The following MICAL2 variants were observed in gnomAD, a reference collection of about 807,000 sequenced individuals.
MICAL2 encodes microtubule associated monooxygenase, calponin and LIM domain containing 2, also known as [F-actin]-monooxygenase MICAL2.
MICAL2 carries 77 observed loss-of-function variants against 127.3 expected under a neutral mutation model. The observed-to-expected ratio is 0.60, with a 90% CI of 0.50 to 0.73. The LOEUF is 0.73. Among genes scored for constraint, MICAL2 ranks in the 30% least tolerant of loss-of-function variants. MICAL2 has a pLI of 0.00. For synonymous variants in MICAL2, 570 were observed against 551.1 expected (o/e 1.03, Z -0.48); for missense variants, 1,351 against 1,434.4 (o/e 0.94, Z 0.94).
chr11:12,306,003 C>A (rs1408004038), intron 29 of MICAL2, among the ~76,000 whole-genome samples: 2 of 152,098 alleles, frequency 1.3e-5, no homozygotes, highest in Non-Finnish European at 2.9e-5. Context: ...TTACATTTTA[C>A]AGTATTGTTG....
At position 12,317,791 on chromosome 11, in the gene MICAL2, CA is replaced by C. The variant is rs34962883; in HGVS notation, c.5213-1891del. Among the ~76,000 whole-genome samples the C allele has an allele frequency of 9.6e-3, 1,253 of 130,730 alleles. 15 individuals are homozygous for C. The highest frequency in any genetic ancestry group is 0.03 in the African/African-American group (968 of 32,428). The allele number at this position is 130,730 out of a possible 152,430, so 85.8% of individuals were successfully genotyped here. A position where few individuals can be genotyped will look rare whatever the true frequency, so the allele number is the denominator to read the frequency against. On this transcript the variant is annotated intron_variant, in intron 29 of 34. Coordinates refer to the MICAL2 transcript ENST00000646065. The stretch of plus-strand genomic sequence containing the variant: ...TGAGTGACAGAGCAAGACTCCGTCT[CA>C]AAAAAAAAAAAAAGTACTAGAATGG...
intron 22 of MICAL2, 40 bp from the exon 23 acceptor site, chr11:12,255,603 T>C (rs753194035): frequency 2.5e-6 from 4 of 1,592,570 alleles, no homozygotes; most frequent in Middle Eastern, 1.7e-4. Context: ...AACTGGCCTC[T>C]ACCTTTGTCT....
intron 24 of MICAL2, among the ~76,000 whole-genome samples, chr11:12,269,826 G>A (rs1160780740): frequency 1.3e-5 from 2 of 152,250 alleles, no homozygotes; most frequent in Non-Finnish European, 2.9e-5. Context: ...GTGTCCGTGT[G>A]TATCTGCACA....
intron 6 of MICAL2, 89 bp from the exon 7 acceptor site, chr11:12,213,166 G>T: frequency 1.4e-6 from 2 of 1,402,686 alleles, no homozygotes; most frequent in Non-Finnish European, 1.9e-6. Context: ...GGCCTGGGAG[G>T]CATCTGGGAA....
intron 30 of MICAL2, among the ~76,000 whole-genome samples, chr11:12,323,411 T>C (rs980161182): frequency 6.6e-6 from 1 of 152,078 alleles, no homozygotes; most frequent in Non-Finnish European, 1.5e-5. Flanking sequence ...CTATTTAAAG[T>C]TGTTAACTGG....
intron 18 of MICAL2, among the ~76,000 whole-genome samples, chr11:12,241,628 G>A (rs972361036): frequency 2.0e-5 from 3 of 152,216 alleles, no homozygotes; most frequent in South Asian, 2.1e-4. Flanking sequence ...CATAGCGGGC[G>A]GGAAGGCAGC....
At chr11:12,226,021 A>G in intron 13 of MICAL2, 150 bp from the exon 14 acceptor site, 1 of 695,304 alleles carries the variant, frequency 1.4e-6, no homozygotes, top group Non-Finnish European at 2.5e-6. Context: ...GAGAACTGGG[A>G]GTAGGGGCTG....
At chr11:12,125,154 A>G (rs1036521144) in intron 1 of MICAL2, among the ~76,000 whole-genome samples, 1 of 152,246 alleles carries the variant, frequency 6.6e-6, no homozygotes, top group African/African-American at 2.4e-5. Context: ...GCAGCAGCCC[A>G]GTGGGGTCCA....
chr11:12,235,364 C>T (rs1858900159), intron 15 of MICAL2, among the ~76,000 whole-genome samples: 1 of 152,112 alleles, frequency 6.6e-6, no homozygotes, highest in Non-Finnish European at 1.5e-5. Flanking sequence ...TTTCAATGCC[C>T]AGATGCAGGC....
chr11:12,293,417 T>C, downstream of MICAL2: 1 of 1,086,006 alleles, frequency 9.2e-7, no homozygotes, highest in East Asian at 2.6e-5. Flanking sequence ...TTTAAAATCA[T>C]CTTAGGCAAA....
intron 3 of MICAL2, among the ~76,000 whole-genome samples, chr11:12,189,130 C>T (rs887185018): frequency 2.6e-5 from 4 of 152,298 alleles, no homozygotes; most frequent in Admixed American, 1.3e-4. Context: ...AATTTGTAAT[C>T]TCTTAACCTT....
intron 29 of MICAL2, among the ~76,000 whole-genome samples, chr11:12,302,274 AC>A (rs1382211053): frequency 6.6e-6 from 1 of 152,200 alleles, no homozygotes; most frequent in African/African-American, 2.4e-5. Context: ...ATTAGCATAT[AC>A]CTGGGGTGGA....
chr11:12,228,269 G>T (rs1264739013), intron 15 of MICAL2, among the ~76,000 whole-genome samples: 1 of 152,170 alleles, frequency 6.6e-6, no homozygotes, highest in South Asian at 2.1e-4. Flanking sequence ...GGCAGAGGTT[G>T]CAGTGAGCCG....
intron 33 of MICAL2, among the ~76,000 whole-genome samples, chr11:12,352,526 A>G (rs1030573032): frequency 6.6e-6 from 1 of 152,224 alleles, no homozygotes. Context: ...TCCTCTCCAA[A>G]GGAGGGTGAA....
intron 15 of MICAL2, among the ~76,000 whole-genome samples, chr11:12,228,253 C>G (rs1182146329): frequency 6.6e-6 from 1 of 152,058 alleles, no homozygotes; most frequent in Admixed American, 6.6e-5. Context: ...TCGCTTGAAC[C>G]CAGGAGGCAG....
intron 3 of MICAL2, among the ~76,000 whole-genome samples, chr11:12,173,486 A>C (rs1032813789): frequency 2.6e-5 from 4 of 152,206 alleles, no homozygotes; most frequent in Non-Finnish European, 5.9e-5. Context: ...GAGCTCTTGC[A>C]TTTACTCTTT....
chr11:12,133,574 T>C (rs1035307248), intron 1 of MICAL2, among the ~76,000 whole-genome samples: 6 of 151,724 alleles, frequency 4.0e-5, no homozygotes, highest in African/African-American at 1.5e-4. Context: ...TGACAGGGAC[T>C]ATAGTCGTCC....
chr11:12,125,869 G>GT (rs11307651), intron 1 of MICAL2, among the ~76,000 whole-genome samples: 30 of 151,446 alleles, frequency 2.0e-4, no homozygotes, highest in Admixed American at 3.9e-4. Context: ...TTCTTATTCA[G>GT]TTTTTTTTTT....
chr11:12,204,168 C>T lies in MICAL2; in HGVS notation c.265-82C>T, dbSNP rs1854377277. ...TGGTTCAGGAAGAGTGGGATTTGCG[C>T]TTCAGTTTTCCTGCTGACTGGGGGT... On this transcript the variant is annotated intron_variant, in intron 3 of 27. Transcript: ENST00000683283. The T allele has an allele frequency of 2.2e-6, 3 of 1,370,208 alleles. No homozygotes were observed. The East Asian group carries it at 6.9e-5, about 31-fold the overall frequency. 84.9% of individuals were successfully genotyped at this position (1,370,208 alleles called of 1,614,324 possible). A position where few individuals can be genotyped will look rare whatever the true frequency, so the allele number is the denominator to read the frequency against.
Sources: gnomAD v4.1 joint callset for allele counts (sites outside exome capture counted in the v4.1 genomes callset) on GRCh38, gnomAD v4.1.1 for gene constraint, MANE v1.5 for transcripts, NCBI Gene and HGNC (gene_info 2026-07-23, HGNC 2026-07-21) for gene names.